LOXL1: variants seen among roughly 807,000 people sequenced by gnomAD.
LOXL1 encodes the protein lysyl oxidase like 1.
Under a neutral mutation model 62.2 loss-of-function variants are expected in LOXL1, and 31 were observed. The ratio of observed to expected loss-of-function variants is 0.50; its 90% CI spans 0.37 to 0.67. The LOEUF is 0.67. Among genes scored for constraint, LOXL1 ranks in the 30% least tolerant of loss-of-function variants. LOXL1 has a pLI of 0.00. For synonymous variants in LOXL1, 403 were observed against 384.4 expected (o/e 1.05, Z -0.56); for missense variants, 775 against 843.4 (o/e 0.92, Z 1.00).
chr15:73,935,832 G>A (rs1268198301), intron 1 of LOXL1, among the ~76,000 whole-genome samples: 1 of 152,152 alleles, frequency 6.6e-6, no homozygotes, highest in Non-Finnish European at 1.5e-5. Context: ...GGGTGGACAG[G>A]TGAGTGCTGT....
At chr15:73,946,998 A>T in intron 3 of LOXL1, 69 bp from the exon 4 acceptor site, 5 of 1,461,792 alleles carry the variant, frequency 3.4e-6, no homozygotes, top group East Asian at 4.9e-5. Flanking sequence ...CCATCTCAGG[A>T]TGGGGACAGG....
In LOXL1 at chr15:73,946,413, G is replaced by A; in HGVS notation, c.1212-4G>A. On this transcript the variant is annotated splice_region_variant and splice_polypyrimidine_tract_variant and intron_variant, in intron 2 of 6. Transcript: ENST00000261921. ...CCCCCTCATCTCCCCCGCCGTCCCTGCAGCACAGCCTATGCCCCTGAGGCC... is the reference window on the plus strand; with the variant it reads ...CCCCCTCATCTCCCCCGCCGTCCCTACAGCACAGCCTATGCCCCTGAGGCC... The A allele has an allele frequency of 6.3e-7, 1 of 1,592,668 alleles. No individual in the cohort carries two copies. Among genetic ancestry groups the A allele is most frequent in the Non-Finnish European group, 8.6e-7 (1 of 1,165,166 alleles).
chr15:73,951,800 C>T (rs1387826318), intron 6 of LOXL1, 31 bp from the exon 7 acceptor site: 2 of 1,533,902 alleles, frequency 1.3e-6, no homozygotes, highest in African/African-American at 1.4e-5. Flanking sequence ...CTTTGCAGCC[C>T]CTCATTGACC....
At chr15:73,947,495 C>A in intron 4 of LOXL1, 1 of 500,584 alleles carries the variant, frequency 2.0e-6, no homozygotes, top group South Asian at 3.3e-5. Context: ...GTCCTATTGG[C>A]CTGTTCACCC....
At chr15:73,940,547 G>A (rs937850410) in intron 1 of LOXL1, among the ~76,000 whole-genome samples, 3 of 151,842 alleles carry the variant, frequency 2.0e-5, no homozygotes, top group African/African-American at 7.3e-5. Flanking sequence ...ATAGGCATCA[G>A]ACCTCCGTCT....
chr15:73,927,441 G>T lies in LOXL1; in HGVS notation c.658G>T (p.Ala220Ser). Residue 220 changes from alanine (A) to serine (S), a missense_variant, in exon 1 of 7, where the codon GCC becomes TCC. Physicochemically the swap from Ala to Ser is moderately conservative, Grantham distance 99. Coordinates refer to ENST00000261921, the MANE Select transcript of LOXL1 (RefSeq NM_005576.4). ...GGVGAGAAAV[A>S]SAGVIYPYQP... ...CGTGGGCGCGGGGGCGGCGGCCGTGGCCTCGGCGGGGGTCATCTACCCCTA... is the reference window on the plus strand; with the variant it reads ...CGTGGGCGCGGGGGCGGCGGCCGTGTCCTCGGCGGGGGTCATCTACCCCTA... The T allele has an allele frequency of 6.9e-7, 1 of 1,455,768 alleles. No homozygotes were observed. Among genetic ancestry groups the T allele is most frequent in the South Asian group, 1.4e-5 (1 of 71,154 alleles). The allele number at this position is 1,455,768 out of a possible 1,614,324, so 90.2% of individuals were successfully genotyped here. A position where few individuals can be genotyped will look rare whatever the true frequency, so the allele number is the denominator to read the frequency against.
chr15:73,951,481 A>G (rs938635538), intron 6 of LOXL1, among the ~76,000 whole-genome samples: 3 of 152,026 alleles, frequency 2.0e-5, no homozygotes, highest in African/African-American at 4.8e-5. Flanking sequence ...GTGGGTTTCC[A>G]TCGTGTTTCT....
rs1284945139 is a variant in LOXL1, at chr15:73,930,052, C to CAA, written c.1102+2168_1102+2169insAA. Among the ~76,000 whole-genome samples, 2 of 152,188 alleles carry CAA rather than the reference C, an allele frequency of 1.3e-5. No individual in the cohort carries two copies. The highest frequency in any genetic ancestry group is 4.8e-5 in the African/African-American group (2 of 41,442). On this transcript the variant is annotated intron_variant, in intron 1 of 6. Coordinates refer to ENST00000261921, the MANE Select transcript of LOXL1 (RefSeq NM_005576.4). The surrounding 1 kb of genome is among the most constrained non-coding windows in gnomAD (Gnocchi z 4.7). ...GGCCACTACCCTGAGCCCCACAGTT[C>CAA]ATTTTGGGTCAAAAACATTTCTCCC...
In LOXL1 at chr15:73,927,743, G is replaced by T. The variant is rs41435250; in HGVS notation, c.960G>T (p.Ala320=). ...CCTACGCCAACCCGCCGCCCGAGGCGTACGGGCCGCCGCGCGCGCTGGAGC... is the reference window on the plus strand; with the variant it reads ...CCTACGCCAACCCGCCGCCCGAGGCTTACGGGCCGCCGCGCGCGCTGGAGC... ...YPPYANPPPE[A]YGPPRALEPP... is the part of the protein sequence containing the mutation. Residue 320 remains alanine (A), a synonymous_variant, in exon 1 of 7, where the codon GCG becomes GCT. Coordinates refer to ENST00000261921, the MANE Select transcript of LOXL1 (RefSeq NM_005576.4). The T allele has an allele frequency of 0.029, 42,925 of 1,455,754 alleles. 1,803 individuals carry two copies. The highest frequency in any genetic ancestry group is 0.22 in the East Asian group (7,256 of 33,318). 90.2% of individuals were successfully genotyped at this position (1,455,754 alleles called of 1,614,324 possible). A position where few individuals can be genotyped will look rare whatever the true frequency, so the allele number is the denominator to read the frequency against.
rs539787278 is a variant in LOXL1, at chr15:73,947,427, T to C, written c.1506+204T>C. 1.2e-3 allele frequency: 655 copies of C among 544,224 alleles called. 2 individuals carry two copies. The highest frequency in any genetic ancestry group is 2.3e-3 in the African/African-American group (121 of 52,786). 33.7% of individuals were successfully genotyped at this position (544,224 alleles called of 1,614,324 possible). A position where few individuals can be genotyped will look rare whatever the true frequency, so the allele number is the denominator to read the frequency against. On this transcript the variant is annotated intron_variant, in intron 4 of 6. Transcript: ENST00000261921. The stretch of plus-strand genomic sequence containing the variant: ...CTGCCCCAGCCCCTTTCCCATGTTA[T>C]TCCAGGTGATCTGCTCGTGGAGAGA...
intron 5 of LOXL1, among the ~76,000 whole-genome samples, chr15:73,948,573 A>G (rs1316758135): frequency 6.6e-6 from 1 of 152,198 alleles, no homozygotes; most frequent in African/African-American, 2.4e-5. Flanking sequence ...AAAGCAGCTC[A>G]GTAAAGGCAG....
rs895709366 is a variant in LOXL1, at chr15:73,951,736, G to T, written c.1719-95G>T. 2.5e-5 allele frequency: 29 copies of T among 1,144,072 alleles called. No individual in the cohort carries two copies. In the African/African-American group the frequency reaches 2.7e-4, roughly 11 times the overall value. The allele number at this position is 1,144,072 out of a possible 1,614,324, so 70.9% of individuals were successfully genotyped here. On this transcript the variant is annotated intron_variant, in intron 6 of 6. Coordinates refer to ENST00000261921, the MANE Select transcript of LOXL1 (RefSeq NM_005576.4). ...TGTAGGCCCATGCCTGCCCTGCCAC[G>T]AGGGATCTGGGCTGTGGGAGGGACG...
At position 73,947,881 on chromosome 15, in the gene LOXL1, G is replaced by A; in HGVS notation, c.1581G>A (p.Gln527=). The A allele has an allele frequency of 6.2e-7, 1 of 1,613,648 alleles. No individual in the cohort carries two copies. The highest frequency in any genetic ancestry group is 8.5e-7 in the Non-Finnish European group (1 of 1,179,674). Residue 527 remains glutamine (Q), a synonymous_variant, in exon 5 of 7, where the codon CAG becomes CAA. Transcript: ENST00000261921. The part of the protein sequence containing the change: ...DCQWIDITDV[Q]PGNYILKVHV... ...AGTGGATCGACATAACCGACGTGCA[G>A]CCTGGGAACTACATCCTCAAGGTGG...
rs768598509 is a variant in LOXL1, at chr15:73,946,524, G to C, written c.1319G>C (p.Arg440Pro). 6.2e-7 allele frequency: 1 copy of C among 1,609,248 alleles called. No individual in the cohort carries two copies. Among genetic ancestry groups the C allele is most frequent in the Non-Finnish European group, 8.5e-7 (1 of 1,178,054 alleles). ...GTADFLPNRP[R>P]HTWEWHSCHQ... The stretch of plus-strand genomic sequence containing the variant: ...GCAGACTTCCTCCCCAACCGGCCAC[G>C]GCACACCTGGGAGTGGCACAGCTGC... Residue 440 changes from arginine (R) to proline (P), a missense_variant, in exon 3 of 7, where the codon CGG becomes CCG. Transcript: ENST00000261921.
intron 1 of LOXL1, among the ~76,000 whole-genome samples, chr15:73,931,030 G>C (rs1338597084): frequency 6.6e-6 from 1 of 151,890 alleles, no homozygotes; most frequent in Admixed American, 6.6e-5. Context: ...TGGGATCCTC[G>C]CCTCAGCTCC....
chr15:73,947,826 A>G lies in LOXL1; in HGVS notation c.1526A>G (p.Tyr509Cys), dbSNP rs2068758782. ...TCCCAGGGCCTGAGCCCAGGCTGCT[A>G]TGACACCTACAATGCGGACATCGAC... is the stretch of plus-strand genomic sequence containing the variant. Reference protein sequence around the residue: ...SHTQGLSPGCYDTYNADIDCQ... With the variant: ...SHTQGLSPGCCDTYNADIDCQ... The change falls in exon 5 of 7, where the codon TAT becomes TGT. Residue 509 changes from tyrosine to cysteine, a missense_variant. By Grantham distance (194) the Tyr-to-Cys change is radical (BLOSUM62 -2). Coordinates refer to ENST00000261921, the MANE Select transcript of LOXL1 (RefSeq NM_005576.4). The G allele has an allele frequency of 1.2e-6, 2 of 1,612,978 alleles. No individual in the cohort carries two copies. Among genetic ancestry groups the G allele is most frequent in the Non-Finnish European group, 8.5e-7 (1 of 1,179,322 alleles).
chr15:73,927,428 G>A lies in LOXL1; in HGVS notation c.645G>A (p.Gly215=), dbSNP rs1351333918. The change falls in exon 1 of 7, where the codon GGG becomes GGA. Residue 215 remains glycine, a synonymous_variant. Coordinates refer to ENST00000261921, the MANE Select transcript of LOXL1 (RefSeq NM_005576.4). The stretch of plus-strand genomic sequence containing the variant: ...CCGCGGGCGGCGGCGTGGGCGCGGG[G>A]GCGGCGGCCGTGGCCTCGGCGGGGG... ...YRPAGGGVGA[G]AAAVASAGVI... 4 of 1,484,630 alleles carry A rather than the reference G, an allele frequency of 2.7e-6. No homozygotes were observed. Among genetic ancestry groups the A allele is most frequent in the African/African-American group, 1.5e-5 (1 of 68,916 alleles). 92.0% of individuals were successfully genotyped at this position (1,484,630 alleles called of 1,614,324 possible).
chr15:73,927,183 G>C lies in LOXL1; in HGVS notation c.400G>C (p.Gly134Arg), dbSNP rs2068587138. The change falls in exon 1 of 7, where the codon GGG becomes CGG. Residue 134 changes from glycine (G) to arginine (R), a missense_variant. Transcript: ENST00000261921. ...VPDNWREVAVGDSTGMARART... is the reference protein window; with the variant it reads ...VPDNWREVAVRDSTGMARART... The stretch of plus-strand genomic sequence containing the variant: ...CGACAACTGGCGCGAGGTGGCCGTC[G>C]GGGACAGCACGGGCATGGCCCGGGC... The C allele has an allele frequency of 1.3e-6, 2 of 1,556,848 alleles. No individual in the cohort carries two copies. Among genetic ancestry groups the C allele is most frequent in the Non-Finnish European group, 1.7e-6 (2 of 1,154,742 alleles).
chr15:73,943,631 G>T (rs1387341314), intron 2 of LOXL1, among the ~76,000 whole-genome samples: 1 of 145,518 alleles, frequency 6.9e-6, no homozygotes, highest in Non-Finnish European at 1.5e-5. Flanking sequence ...CGCAGTGTTT[G>T]CTTCTAATTT....
Sources: gnomAD v4.1 joint callset for allele counts (sites outside exome capture counted in the v4.1 genomes callset) on GRCh38, gnomAD v4.1.1 for gene constraint, Gnocchi (gnomAD v3.1) non-coding constraint, MANE v1.5 for transcripts, NCBI Gene and HGNC (gene_info 2026-07-23, HGNC 2026-07-21) for gene names.